Variants in COL28A1 observed in about 807,000 individuals in gnomAD.
COL28A1 encodes the protein collagen type XXVIII alpha 1 chain.
COL28A1 carries 161 observed loss-of-function variants against 150.2 expected under a neutral mutation model. The ratio of observed to expected loss-of-function variants is 1.07; its 90% CI spans 0.94 to 1.22. The LOEUF (loss-of-function observed/expected upper bound fraction) is 1.22. Among genes scored for constraint, COL28A1 ranks in the 50% most tolerant of loss-of-function variants. The pLI, the probability that COL28A1 is intolerant of heterozygous loss-of-function variation, is 0.00. For synonymous variants in COL28A1, 552 were observed against 469.7 expected, an observed-to-expected ratio of 1.18 and a Z score of -2.26; for missense variants, 1,617 against 1,388.3, an observed-to-expected ratio of 1.16 and a Z score of -2.62.
chr7:7,480,616 GA>G (rs199529912), intron 13 of COL28A1, among the ~76,000 whole-genome samples: 3 of 151,078 alleles, frequency 2.0e-5, no homozygotes, highest in Non-Finnish European at 3.0e-5. Flanking sequence ...TATGACAAAT[GA>G]AAAAAAACAC....
chr7:7,510,990 T>C (rs140974964), intron 9 of COL28A1, 101 bp downstream of exon 9: 3 of 893,744 alleles, frequency 3.4e-6, no homozygotes, highest in Non-Finnish European at 5.5e-6. Context: ...ATTCCAACTC[T>C]AGTAGTGAGA....
intron 19 of COL28A1, 53 bp downstream of exon 19, chr7:7,444,365 A>G: frequency 6.2e-7 from 1 of 1,607,838 alleles, no homozygotes; most frequent in Non-Finnish European, 8.5e-7. Flanking sequence ...GGACCAAGAT[A>G]TCAGTTTGGT....
chr7:7,516,821 T>C (rs1159551421), intron 7 of COL28A1, among the ~76,000 whole-genome samples: 1 of 152,158 alleles, frequency 6.6e-6, no homozygotes, highest in Non-Finnish European at 1.5e-5. Context: ...CTCAAACTAG[T>C]GGCCTTAAGT....
At chr7:7,529,627 G>A (rs750699221) in intron 3 of COL28A1, among the ~76,000 whole-genome samples, 10 of 152,164 alleles carry the variant, frequency 6.6e-5, no homozygotes, top group Non-Finnish European at 8.8e-5. Context: ...TGCTCTCAGC[G>A]AGGGTGTATC....
intron 3 of COL28A1, among the ~76,000 whole-genome samples, chr7:7,529,458 C>A (rs983118622): frequency 6.6e-6 from 1 of 152,144 alleles, no homozygotes; most frequent in Non-Finnish European, 1.5e-5. Flanking sequence ...GAGCTTCCAT[C>A]TGAACAAACA....
chr7:7,352,716 C>A (rs1162684753), downstream of COL28A1, among the ~76,000 whole-genome samples: 4 of 152,174 alleles, frequency 2.6e-5, no homozygotes, highest in African/African-American at 9.7e-5. Context: ...CCAGTGAGAC[C>A]TTCATCAGAC....
At chr7:7,451,632 CCT>C (rs1786699311) in intron 18 of COL28A1, among the ~76,000 whole-genome samples, 2 of 151,798 alleles carry the variant, frequency 1.3e-5, no homozygotes, top group African/African-American at 4.8e-5. Context: ...TCGTATATTG[CCT>C]CTCTGCAATT....
chr7:7,393,863 G>A (rs56309791), intron 27 of COL28A1, among the ~76,000 whole-genome samples: 6 of 152,142 alleles, frequency 3.9e-5, no homozygotes, highest in African/African-American at 1.4e-4. Flanking sequence ...AGCTTGCTAG[G>A]CTCCGCGGGG....
chr7:7,509,388 T>A (rs1353659469), intron 9 of COL28A1, among the ~76,000 whole-genome samples: 6 of 152,188 alleles, frequency 3.9e-5, no homozygotes, highest in African/African-American at 1.4e-4. Flanking sequence ...CTAATTTTAA[T>A]GTATTAATTT....
intron 1 of COL28A1, among the ~76,000 whole-genome samples, chr7:7,534,694 C>A (rs1027694388): frequency 6.6e-6 from 1 of 152,052 alleles, no homozygotes; most frequent in Non-Finnish European, 1.5e-5. Context: ...TTATCTTTTC[C>A]CAAAACTAAG....
chr7:7,481,402 C>T (rs1789374910), intron 13 of COL28A1, among the ~76,000 whole-genome samples: 1 of 152,188 alleles, frequency 6.6e-6, no homozygotes, highest in Non-Finnish European at 1.5e-5. Flanking sequence ...GGACGATGAT[C>T]ATTAGCCAGA....
At chr7:7,448,176 A>T (rs1345516173) in intron 18 of COL28A1, among the ~76,000 whole-genome samples, 9 of 152,246 alleles carry the variant, frequency 5.9e-5, no homozygotes, top group Admixed American at 5.9e-4. Context: ...ACTATAACTC[A>T]TAGATCTAAG....
the COL28A1 span, among the ~76,000 whole-genome samples, chr7:7,543,055 G>A: frequency 2.6e-5 from 4 of 152,116 alleles, no homozygotes; most frequent in African/African-American, 9.7e-5. Flanking sequence ...AAATGTTATT[G>A]ATAAAGAACG....
chr7:7,522,779 A>G (rs1360957997), intron 4 of COL28A1, among the ~76,000 whole-genome samples: 2 of 145,732 alleles, frequency 1.4e-5, no homozygotes, highest in East Asian at 2.2e-4. Flanking sequence ...CGCATAAAAT[A>G]CACTAACACT....
chr7:7,343,339 A>G, the COL28A1 span, among the ~76,000 whole-genome samples: 1 of 151,934 alleles, frequency 6.6e-6, no homozygotes, highest in Non-Finnish European at 1.5e-5. Context: ...TAAAATTCCA[A>G]TTAATCTCAG....
chr7:7,509,636 G>GT lies in COL28A1; in HGVS notation c.927+1454dup, dbSNP rs202091752. Among the ~76,000 whole-genome samples the GT allele has an allele frequency of 3.8e-3, 572 of 151,160 alleles. 6 individuals carry two copies. The highest frequency in any genetic ancestry group is 0.013 in the African/African-American group (521 of 41,122). ...ACCTTACATTTATAATTGGCAGTGGGTTTTTTTTGTTGTTGTTATTCCTTT... is the reference window on the plus strand; with the variant it reads ...ACCTTACATTTATAATTGGCAGTGGGTTTTTTTTTGTTGTTGTTATTCCTTT... On this transcript the variant is annotated intron_variant, in intron 9 of 34. Coordinates refer to ENST00000399429, the MANE Select transcript of COL28A1 (RefSeq NM_001037763.3).
At chr7:7,401,590 C>T (rs893375186) in intron 27 of COL28A1, among the ~76,000 whole-genome samples, 8 of 152,094 alleles carry the variant, frequency 5.3e-5, no homozygotes, top group South Asian at 2.1e-4. Flanking sequence ...TAGTTATCCT[C>T]GACTTCTTTG....
chr7:7,494,123 A>G (rs1780074664), intron 11 of COL28A1, among the ~76,000 whole-genome samples: 1 of 152,218 alleles, frequency 6.6e-6, no homozygotes, highest in African/African-American at 2.4e-5. Flanking sequence ...TCAGAAATTA[A>G]GAACACCCAT....
chr7:7,375,382 CG>C (rs1781487552), intron 31 of COL28A1, 78 bp downstream of exon 31: 2 of 1,315,372 alleles, frequency 1.5e-6, no homozygotes, highest in Admixed American at 5.0e-5. Context: ...TACATCTGGA[CG>C]AACACATTCT....
Sources: allele counts gnomAD v4.1 joint callset (sites outside exome capture counted in the v4.1 genomes callset), GRCh38; gene constraint gnomAD v4.1.1; transcripts MANE v1.5; gene names NCBI Gene and HGNC (gene_info 2026-07-23, HGNC 2026-07-21).